Variants in RAD51AP2 observed in about 807,000 individuals in gnomAD.
RAD51AP2 encodes RAD51 associated protein 2.
In RAD51AP2, 67 loss-of-function variants were observed where a neutral mutation model predicts 85.5. The observed-to-expected ratio is 0.78, with a 90% CI of 0.64 to 0.96. RAD51AP2 has a LOEUF of 0.96. RAD51AP2 is among the 40% of genes least tolerant of loss of function. The pLI, the probability that RAD51AP2 is intolerant of heterozygous loss-of-function variation, is 0.00. For synonymous variants in RAD51AP2, 474 were observed against 446.5 expected (o/e 1.06, Z -0.78); for missense variants, 1,307 against 1,332.4 (o/e 0.98, Z 0.30).
chr2:17,529,224 A>G, the RAD51AP2 span, among the ~76,000 whole-genome samples: 24 of 151,788 alleles, frequency 1.6e-4, no homozygotes, highest in Non-Finnish European at 2.8e-4. Flanking sequence ...CATTTACTAT[A>G]ACATCACATT....
At chr2:17,522,611 T>A (rs1662881915), upstream of RAD51AP2, among the ~76,000 whole-genome samples, 1 of 152,142 alleles carries the variant, frequency 6.6e-6, no homozygotes, top group African/African-American at 2.4e-5. Flanking sequence ...AGTAACAATT[T>A]AAGAACCCTG....
chr2:17,531,397 A>G, the RAD51AP2 span, among the ~76,000 whole-genome samples: 1 of 152,160 alleles, frequency 6.6e-6, no homozygotes, highest in Non-Finnish European at 1.5e-5. Context: ...CACAATCAAC[A>G]TGTTTGAACT....
upstream of RAD51AP2, among the ~76,000 whole-genome samples, chr2:17,518,854 G>GCATCTCCACAA (rs1210421125): frequency 2.0e-5 from 3 of 151,984 alleles, no homozygotes; most frequent in Non-Finnish European, 4.4e-5. Context: ...CTCAGAAACG[G>GCATCTCCACAA]CATCTCCACA....
chr2:17,516,594 T>C lies in RAD51AP2; in HGVS notation c.1822A>G (p.Ile608Val). 6.3e-7 allele frequency: 1 copy of C among 1,586,056 alleles called. No individual in the cohort carries two copies. The highest frequency in any genetic ancestry group is 8.6e-7 in the Non-Finnish European group (1 of 1,167,148). ...ENDFELEEEC[I>V]FKCMLYLKYP... Reference sequence around the variant, plus strand: ...TTCAAATAAAGCATGCACTTGAAAATGCATTCCTCTTCTAATTCAAAATCA... The same window carrying C: ...TTCAAATAAAGCATGCACTTGAAAACGCATTCCTCTTCTAATTCAAAATCA... Residue 608 changes from isoleucine (I) to valine (V), a missense_variant, in exon 1 of 3, where the codon ATT becomes GTT. By Grantham distance (29) the Ile-to-Val change is conservative (BLOSUM62 3). Transcript: ENST00000399080.
rs774514599 is a variant in RAD51AP2 at position 17,516,346 on chromosome 2, A to C, written c.2070T>G (p.Leu690=). 1.2e-5 allele frequency: 19 copies of C among 1,612,108 alleles called. No homozygotes were observed. Among genetic ancestry groups the C allele is most frequent in the Non-Finnish European group, 1.5e-5 (18 of 1,179,336 alleles). ...CATCCATGTCATCAAAGTCCATTAAAAGGGGAATTTTTTCATATGTTTCAA... is the reference window on the plus strand; with the variant it reads ...CATCCATGTCATCAAAGTCCATTAACAGGGGAATTTTTTCATATGTTTCAA... ...PIFETYEKIP[L]LMDFDDMDEI... is the part of the protein sequence containing the mutation. Residue 690 remains leucine (L), a synonymous_variant, in exon 1 of 3, where the codon CTT becomes CTG. Coordinates refer to ENST00000399080, the MANE Select transcript of RAD51AP2 (RefSeq NM_001099218.3).
upstream of RAD51AP2, among the ~76,000 whole-genome samples, chr2:17,521,693 G>GT (rs1335182415): frequency 6.6e-6 from 1 of 151,972 alleles, no homozygotes; most frequent in Non-Finnish European, 1.5e-5. Context: ...ATAAGATTAA[G>GT]TTTTTATCAG....
chr2:17,533,143 G>C, the RAD51AP2 span, among the ~76,000 whole-genome samples: 1 of 151,898 alleles, frequency 6.6e-6, no homozygotes, highest in Non-Finnish European at 1.5e-5. Context: ...CCTATTCTCT[G>C]GCTACAGCCA....
Position 17,516,296 on chromosome 2 carries a change from G to A in RAD51AP2, c.2120C>T (p.Thr707Ile), listed in dbSNP as rs974049631. Residue 707 changes from threonine (T) to isoleucine (I), a missense_variant, in exon 1 of 3, where the codon ACT becomes ATT. By Grantham distance (89) the Thr-to-Ile change is moderately conservative. Transcript: ENST00000399080. ...MDEISLIREI[T>I]CQNMSCPQQV... Reference sequence around the variant, plus strand: ...TTGAGGACAACTCATATTCTGACAAGTAATTTCTCTTATTAAAGAAATTTC... The same window carrying A: ...TTGAGGACAACTCATATTCTGACAAATAATTTCTCTTATTAAAGAAATTTC... 4 of 1,607,368 alleles carry A rather than the reference G, an allele frequency of 2.5e-6. No individual in the cohort carries two copies. Among genetic ancestry groups the A allele is most frequent in the African/African-American group, 1.3e-5 (1 of 74,516 alleles).
At chr2:17,532,400 C>A in the RAD51AP2 span, among the ~76,000 whole-genome samples, 15 of 152,162 alleles carry the variant, frequency 9.9e-5, no homozygotes, top group African/African-American at 3.6e-4. Flanking sequence ...CCTGTAGTCA[C>A]GCAGCATTCT....
the RAD51AP2 span, among the ~76,000 whole-genome samples, chr2:17,534,322 T>C: frequency 6.6e-6 from 1 of 152,198 alleles, no homozygotes; most frequent in African/African-American, 2.4e-5. Context: ...GTGTATGTAA[T>C]GGTAATTCAT....
Position 17,515,901 on chromosome 2 carries a change from C to A in RAD51AP2, c.2515G>T (p.Val839Phe), listed in dbSNP as rs7594136. 3.7e-4 allele frequency: 599 copies of A among 1,603,984 alleles called. 1 individual carries two copies. The African/African-American group carries it at 7.0e-3, about 19-fold the overall frequency. ...CTATTTGTTAAACTTTCAGCTGTGACTTTTACTTCCTCTTTCAAAATTAAG... is the reference window on the plus strand; with the variant it reads ...CTATTTGTTAAACTTTCAGCTGTGAATTTTACTTCCTCTTTCAAAATTAAG... Reference protein sequence around the residue: ...YDLILKEEVKVTAESLTNSCQ... With the variant: ...YDLILKEEVKFTAESLTNSCQ... Residue 839 changes from valine to phenylalanine, a missense_variant, in exon 1 of 3, where the codon GTC (valine) becomes TTC (phenylalanine). This residue lies in a region of RAD51AP2 where 668 missense variants were observed against 671.0 expected (regional missense o/e 1.00). Coordinates refer to ENST00000399080, the MANE Select transcript of RAD51AP2 (RefSeq NM_001099218.3).
intron 1 of RAD51AP2, among the ~76,000 whole-genome samples, chr2:17,514,541 G>A (rs918422941): frequency 6.6e-6 from 1 of 151,732 alleles, no homozygotes; most frequent in Admixed American, 6.6e-5. Flanking sequence ...GGCGGCGGGG[G>A]GGGTGGATCA....
At chr2:17,533,041 G>C in the RAD51AP2 span, among the ~76,000 whole-genome samples, 1 of 152,166 alleles carries the variant, frequency 6.6e-6, no homozygotes, top group Non-Finnish European at 1.5e-5. Context: ...AAGTGCAAAA[G>C]CAACTCTTCC....
At chr2:17,523,297 C>T (rs1423696130), upstream of RAD51AP2, among the ~76,000 whole-genome samples, 2 of 151,870 alleles carry the variant, frequency 1.3e-5, no homozygotes, top group African/African-American at 4.8e-5. Flanking sequence ...TGATTGTTAG[C>T]ATCTCTTCCC....
At chr2:17,532,356 G>A in the RAD51AP2 span, among the ~76,000 whole-genome samples, 2 of 152,212 alleles carry the variant, frequency 1.3e-5, no homozygotes, top group East Asian at 3.9e-4. Context: ...AATCTCTGGT[G>A]TTCTCTGGCT....
At chr2:17,537,616 A>G in the RAD51AP2 span, among the ~76,000 whole-genome samples, 1 of 152,174 alleles carries the variant, frequency 6.6e-6, no homozygotes, top group Non-Finnish European at 1.5e-5. Flanking sequence ...CTAATAAATA[A>G]TATTACCAGG....
chr2:17,521,088 A>T (rs1662846362), upstream of RAD51AP2, among the ~76,000 whole-genome samples: 1 of 152,054 alleles, frequency 6.6e-6, no homozygotes, highest in South Asian at 2.1e-4. Context: ...GGATTTATTA[A>T]TTTTTGTATC....
Position 17,517,052 on chromosome 2 carries a change from T to C in RAD51AP2, c.1364A>G (p.Tyr455Cys), listed in dbSNP as rs1288807889. Residue 455 changes from tyrosine (Y) to cysteine (C), a missense_variant, in exon 1 of 3, where the codon TAT becomes TGT. By Grantham distance (194) the Tyr-to-Cys change is radical (BLOSUM62 -2). Coordinates refer to ENST00000399080, the MANE Select transcript of RAD51AP2 (RefSeq NM_001099218.3). ...TACGAGAAGCTTTGATTGTTCTTCA[T>C]ATGCATTGATGACTTTTGCACAGTG... ...DYHCAKVINA[Y>C]EEQSKLLVRE... The C allele has an allele frequency of 3.7e-6, 6 of 1,611,556 alleles. No individual in the cohort carries two copies. The highest frequency in any genetic ancestry group is 1.1e-5 in the South Asian group (1 of 90,174).
At position 17,515,350 on chromosome 2, in the gene RAD51AP2, G is replaced by A; in HGVS notation, c.3066C>T (p.Val1022=). Residue 1022 remains valine, a synonymous_variant, in exon 1 of 3, where the codon GTC becomes GTT. Coordinates refer to ENST00000399080, the MANE Select transcript of RAD51AP2 (RefSeq NM_001099218.3). ...EIEKDLKMVV[V]NKIRASSSFH... ...ACGAGGAAGATGCACGTATTTTGTTGACCACAACCATTTTCAAATCTTTTT... is the reference window on the plus strand; with the variant it reads ...ACGAGGAAGATGCACGTATTTTGTTAACCACAACCATTTTCAAATCTTTTT... 6.2e-7 allele frequency: 1 copy of A among 1,612,094 alleles called. No individual in the cohort carries two copies. Among genetic ancestry groups the A allele is most frequent in the East Asian group, 2.2e-5 (1 of 44,810 alleles).
Sources: allele counts gnomAD v4.1 joint callset (sites outside exome capture counted in the v4.1 genomes callset), GRCh38; gene constraint gnomAD v4.1.1; regional missense constraint gnomAD v4.1.1; transcripts MANE v1.5; gene names NCBI Gene and HGNC (gene_info 2026-07-23, HGNC 2026-07-21).